The following GYS1 variants were observed in gnomAD, a reference collection of about 807,000 sequenced individuals.
The protein encoded by GYS1 is glycogen [starch] synthase, muscle.
A neutral mutation model predicts 89.1 loss-of-function variants in GYS1; 60 were observed. The ratio of observed to expected loss-of-function variants is 0.67; its 90% CI spans 0.55 to 0.84. The LOEUF is 0.84. GYS1 is among the 40% of genes least tolerant of loss of function. The pLI is 0.00. For missense variants in GYS1, 888 were observed against 1,003.1 expected, an observed-to-expected ratio of 0.89 and a Z score of 1.55; for synonymous variants, 366 against 401.7, an observed-to-expected ratio of 0.91 and a Z score of 1.06.
chr19:48,969,594 G>A lies in GYS1; in HGVS notation c.1908C>T (p.Tyr636=), dbSNP rs2122453422. The A allele has an allele frequency of 1.3e-6, 2 of 1,538,602 alleles. No homozygotes were observed. Among genetic ancestry groups the A allele is most frequent in the Non-Finnish European group, 1.7e-6 (2 of 1,147,360 alleles). The change falls in exon 16 of 16, where the codon TAC becomes TAT. Residue 636 remains tyrosine (Y), a synonymous_variant. Coordinates refer to ENST00000323798, the MANE Select transcript of GYS1 (RefSeq NM_002103.5). The part of the protein sequence containing the change: ...NEADAAQGYR[Y]PRPASVPPSP... ...ACGGTGGCACCGAGGCTGGCCGTGG[G>A]TAGCGGTACCCCTGGGCCTGCATAC...
chr19:48,970,330 G>C, intron 14 of GYS1: 1 of 566,100 alleles, frequency 1.8e-6, no homozygotes, highest in Non-Finnish European at 3.2e-6. Context: ...TGTTGCCCAG[G>C]CTGGTCTCTT....
In GYS1 at chr19:48,970,669, A is replaced by G. The variant is rs2038549866; in HGVS notation, c.1686T>C (p.Asp562=). Residue 562 remains aspartate (D), a synonymous_variant, in exon 14 of 16, where the codon GAT becomes GAC. Transcript: ENST00000323798. The part of the protein sequence containing the change: ...ILDRRFRSLD[D]SCSQLTSFLY... ...GGAAGGAGGTGAGCTGCGAGCAGGA[A>G]TCATCCAGGCTGCGGAACCGCCGGT... The G allele has an allele frequency of 6.2e-7, 1 of 1,613,896 alleles. No homozygotes were observed. The highest frequency in any genetic ancestry group is 1.1e-5 in the South Asian group (1 of 91,084).
intron 10 of GYS1, among the ~76,000 whole-genome samples, chr19:48,976,775 G>C (rs1440047107): frequency 6.6e-6 from 1 of 151,966 alleles, no homozygotes; most frequent in Non-Finnish European, 1.5e-5. Context: ...TCTTTCGTGT[G>C]TGTGTGTATG....
chr19:48,970,063 G>A (rs1370889348), intron 14 of GYS1, among the ~76,000 whole-genome samples: 1 of 152,164 alleles, frequency 6.6e-6, no homozygotes, highest in African/African-American at 2.4e-5. Context: ...AACAGGGGCC[G>A]AATTCTCAAG....
rs760809851 is a variant in GYS1, at chr19:48,991,396, G to A, written c.206C>T (p.Thr69Met). The A allele has an allele frequency of 1.7e-5, 27 of 1,614,014 alleles. No homozygotes were observed. Among genetic ancestry groups the A allele is most frequent in the Admixed American group, 8.3e-5 (5 of 60,006 alleles). The change falls in exon 2 of 16, where the codon ACG (threonine) becomes ATG (methionine). Residue 69 changes from threonine to methionine, a missense_variant. By Grantham distance (81) the Thr-to-Met change is moderately conservative. Transcript: ENST00000323798. The surrounding 1 kb of genome is among the most constrained non-coding windows in gnomAD (Gnocchi z 4.7). ...GDNYFLVGPY[T>M]EQGVRTQVEL... ...CACCTGGGTCCTCACGCCCTGCTCC[G>A]TGTACGGCCCCACCAGGAAGTAGTT...
At chr19:48,974,371 T>C (rs762218428) in intron 11 of GYS1, 32 bp from the exon 12 acceptor site, 1 of 1,613,030 alleles carries the variant, frequency 6.2e-7, no homozygotes, top group South Asian at 1.1e-5. Context: ...TCAGCCCAAG[T>C]GCCTTATTTA....
rs2038857803 is a variant in GYS1, at chr19:48,987,311, G to T, written c.375C>A (p.Ala125=). ...AGAGCTCTCCCTTCCAGCGCTCCAGGGCCCAAGCTGAGGCACCCACGTCCA... is the reference window on the plus strand; with the variant it reads ...AGAGCTCTCCCTTCCAGCGCTCCAGTGCCCAAGCTGAGGCACCCACGTCCA... The part of the protein sequence containing the change: ...VLLDVGASAW[A]LERWKGELWD... Residue 125 remains alanine, a synonymous_variant, in exon 3 of 16, where the codon GCC becomes GCA. Transcript: ENST00000323798. The T allele has an allele frequency of 4.3e-6, 7 of 1,612,628 alleles. No individual in the cohort carries two copies. The highest frequency in any genetic ancestry group is 5.1e-6 in the Non-Finnish European group (6 of 1,179,476).
At chr19:48,987,166 T>C (rs1472003564) in intron 3 of GYS1, 28 bp downstream of exon 3, 1 of 1,520,758 alleles carries the variant, frequency 6.6e-7, no homozygotes, top group East Asian at 2.3e-5. Context: ...GTTTCAGGTA[T>C]GGGTGGAATG....
At chr19:48,973,888 G>A (rs530395873) in intron 12 of GYS1, among the ~76,000 whole-genome samples, 3 of 152,220 alleles carry the variant, frequency 2.0e-5, no homozygotes, top group South Asian at 4.1e-4. Context: ...CACTGGGAAC[G>A]TCTTACGAGG....
In GYS1 at chr19:48,978,083, G is replaced by C. The variant is rs371762011; in HGVS notation, c.1229+15C>G. ...AGGGCCTAGGAGGGCACAGGGCTGA[G>C]GGTGGGGCACTCACACCAGTAAGGA... is the stretch of plus-strand genomic sequence containing the variant. On this transcript the variant is annotated intron_variant, in intron 9 of 15. Transcript: ENST00000323798. 4.0e-5 allele frequency: 65 copies of C among 1,612,340 alleles called. No homozygotes were observed. The highest frequency in any genetic ancestry group is 4.8e-5 in the Non-Finnish European group (57 of 1,178,494).
At chr19:48,984,218 G>A (rs1392310577) in intron 5 of GYS1, among the ~76,000 whole-genome samples, 1 of 151,990 alleles carries the variant, frequency 6.6e-6, no homozygotes, top group Non-Finnish European at 1.5e-5. Context: ...TGTTGGCCAG[G>A]CTGGTCTTGA....
rs1294947778 is a variant in GYS1 at position 48,977,912 on chromosome 19, T to A, written c.1308+12A>T. The A allele has an allele frequency of 7.5e-6, 12 of 1,604,682 alleles. No homozygotes were observed. In the East Asian group the frequency reaches 1.6e-4, roughly 21 times the overall value. ...GAACTGCTATCTCTCTGCACAGAGG[T>A]CCAATCCATACCTGCGTTGCAAAGA... On this transcript the variant is annotated intron_variant, in intron 10 of 15. Coordinates refer to ENST00000323798, the MANE Select transcript of GYS1 (RefSeq NM_002103.5).
At chr19:48,981,436 CA>C (rs2038760859) in intron 8 of GYS1, 93 bp downstream of exon 8, 1 of 782,820 alleles carries the variant, frequency 1.3e-6, no homozygotes, top group Non-Finnish European at 2.3e-6. Flanking sequence ...AACAAACAAA[CA>C]AAACAAAAAA....
intron 5 of GYS1, among the ~76,000 whole-genome samples, chr19:48,983,604 C>G (rs1365169687): frequency 6.6e-6 from 1 of 152,144 alleles, no homozygotes; most frequent in Non-Finnish European, 1.5e-5. Context: ...AAACTACAAC[C>G]CCCATCAGCG....
chr19:48,968,970 C>T lies in GYS1; in HGVS notation c.*318G>A, dbSNP rs562517893. On this transcript the variant is annotated 3_prime_UTR_variant, in exon 16 of 16. Coordinates refer to ENST00000323798, the MANE Select transcript of GYS1 (RefSeq NM_002103.5). ...AGCCCCAGACCTGAAAGCACCATGC[C>T]AGGTTTCCTAAAACCTCTGGCACCA... 8 of 581,066 alleles carry T rather than the reference C, an allele frequency of 1.4e-5. No individual in the cohort carries two copies. Among genetic ancestry groups the T allele is most frequent in the South Asian group, 1.1e-4 (7 of 65,632 alleles). The allele number at this position is 581,066 out of a possible 1,614,324, so 36.0% of individuals were successfully genotyped here. A position where few individuals can be genotyped will look rare whatever the true frequency, so the allele number is the denominator to read the frequency against.
Position 48,991,329 on chromosome 19 carries a change from C to T in GYS1, c.273G>A (p.Leu91=). 1 of 1,614,024 alleles carries T rather than the reference C, an allele frequency of 6.2e-7. No homozygotes were observed. The highest frequency in any genetic ancestry group is 8.5e-7 in the Non-Finnish European group (1 of 1,180,040). ...TGCAGCCCTTGCTGTTCATGGAATC[C>T]AGTGTCCTCTTCAGGGCCGGGGTGG... The part of the protein sequence containing the change: ...EAPTPALKRT[L]DSMNSKGCKV... Residue 91 remains leucine (L), a synonymous_variant, in exon 2 of 16, where the codon CTG becomes CTA. Coordinates refer to ENST00000323798, the MANE Select transcript of GYS1 (RefSeq NM_002103.5). This position sits in a 1 kb window ranked among gnomAD's most constrained non-coding sequence, Gnocchi z 4.7.
At chr19:48,970,482 A>G in intron 14 of GYS1, 64 bp downstream of exon 14, 1 of 1,405,598 alleles carries the variant, frequency 7.1e-7, no homozygotes, top group Non-Finnish European at 1.0e-6. Context: ...TGCACCCTGC[A>G]CCAAAGACCC....
chr19:48,991,112 A>G lies in GYS1; in HGVS notation c.300+190T>C, dbSNP rs895269097. ...TTGCCATCTGTCTGTCCATTCGCCC[A>G]TGTCTGGGATCCACCCACCCACTTC... is the stretch of plus-strand genomic sequence containing the variant. On this transcript the variant is annotated intron_variant, in intron 2 of 15. Coordinates refer to ENST00000323798, the MANE Select transcript of GYS1 (RefSeq NM_002103.5). The surrounding 1 kb of genome is among the most constrained non-coding windows in gnomAD (Gnocchi z 4.7). Among the ~76,000 whole-genome samples the G allele has an allele frequency of 6.6e-5, 10 of 151,910 alleles. No individual in the cohort carries two copies. Among genetic ancestry groups the G allele is most frequent in the African/African-American group, 2.4e-4 (10 of 41,324 alleles).
Position 48,977,902 on chromosome 19 carries a change from T to A in GYS1, c.1308+22A>T, listed in dbSNP as rs371445595. On this transcript the variant is annotated intron_variant, in intron 10 of 15. Coordinates refer to ENST00000323798, the MANE Select transcript of GYS1 (RefSeq NM_002103.5). ...GGGCTGCCAGGAACTGCTATCTCTCTGCACAGAGGTCCAATCCATACCTGC... is the reference window on the plus strand; with the variant it reads ...GGGCTGCCAGGAACTGCTATCTCTCAGCACAGAGGTCCAATCCATACCTGC... The A allele has an allele frequency of 7.5e-6, 12 of 1,593,714 alleles. 1 individual carries two copies. The highest frequency in any genetic ancestry group is 4.0e-5 in the African/African-American group (3 of 74,656).
Sources: allele counts gnomAD v4.1 joint callset (sites outside exome capture counted in the v4.1 genomes callset), GRCh38; gene constraint gnomAD v4.1.1; non-coding constraint Gnocchi (gnomAD v3.1); transcripts MANE v1.5; gene names NCBI Gene and HGNC (gene_info 2026-07-23, HGNC 2026-07-21).